The following CCDC171 variants were observed in gnomAD, a reference collection of about 807,000 sequenced individuals.
CCDC171 encodes the protein coiled-coil domain containing 171, also known as coiled-coil domain-containing protein 171.
In CCDC171, 177 loss-of-function variants were observed where a neutral mutation model predicts 168.2. The observed-to-expected ratio is 1.05, with a 90% confidence interval of 0.93 to 1.19. The LOEUF is 1.19. Among genes scored for constraint, CCDC171 ranks in the 50% most tolerant of loss-of-function variants. The pLI is 0.00. For synonymous variants in CCDC171, 687 were observed against 540.8 expected, an observed-to-expected ratio of 1.27 and a Z score of -3.75; for missense variants, 1,991 against 1,539.0, an observed-to-expected ratio of 1.29 and a Z score of -4.91.
rs937233377 is a variant in CCDC171 at position 15,949,770 on chromosome 9, C to A, written c.3754-21839C>A. Among the ~76,000 whole-genome samples, 3 of 152,224 alleles carry A rather than the reference C, an allele frequency of 2.0e-5. No individual in the cohort carries two copies. The East Asian group carries it at 5.8e-4, about 29-fold the overall frequency. On this transcript the variant is annotated intron_variant, in intron 25 of 25. Transcript: ENST00000380701. ...CTGCAAACAGGGACAATTTGACTTC[C>A]TCTTTTCCTAATTGAATACCCTTTA...
intron 24 of CCDC171, among the ~76,000 whole-genome samples, chr9:15,898,561 A>G (rs1821213593): frequency 6.6e-6 from 1 of 152,170 alleles, no homozygotes; most frequent in African/African-American, 2.4e-5. Context: ...TGCCCGCTAA[A>G]TCAGTATCAT....
intron 3 of CCDC171, among the ~76,000 whole-genome samples, chr9:16,008,916 T>C (rs1303211367): frequency 2.0e-5 from 3 of 152,188 alleles, no homozygotes. Flanking sequence ...TGAATTCCAG[T>C]GTCGGCAGAC....
intron 7 of CCDC171, among the ~76,000 whole-genome samples, chr9:15,638,226 A>G (rs1277486936): frequency 6.6e-5 from 10 of 152,278 alleles, no homozygotes; most frequent in East Asian, 1.9e-4. Context: ...TAAGTTACCT[A>G]TGATTTCTCA....
chr9:16,001,144 C>A (rs933301776), intron 3 of CCDC171, among the ~76,000 whole-genome samples: 1 of 152,168 alleles, frequency 6.6e-6, no homozygotes, highest in Admixed American at 6.5e-5. Flanking sequence ...TTTCAGGATT[C>A]AGTTGCCTAG....
intron 25 of CCDC171, among the ~76,000 whole-genome samples, chr9:15,959,634 C>G (rs566256391): frequency 1.3e-5 from 2 of 152,152 alleles, no homozygotes; most frequent in African/African-American, 4.8e-5. Flanking sequence ...TCAAACAAGT[C>G]TAGGCCTTTT....
intron 6 of CCDC171, among the ~76,000 whole-genome samples, chr9:15,594,807 A>G (rs2131528967): frequency 6.6e-6 from 1 of 152,246 alleles, no homozygotes; most frequent in African/African-American, 2.4e-5. Flanking sequence ...TTTATTTTGA[A>G]GGAGAGGTAG....
intron 23 of CCDC171, among the ~76,000 whole-genome samples, chr9:15,873,840 G>A (rs2131220695): frequency 6.6e-6 from 1 of 152,176 alleles, no homozygotes; most frequent in East Asian, 1.9e-4. Flanking sequence ...TCGGTGATGT[G>A]TTTGTATTGT....
At chr9:16,037,769 A>T (rs980928166) in intron 8 of CCDC171, among the ~76,000 whole-genome samples, 1 of 152,178 alleles carries the variant, frequency 6.6e-6, no homozygotes. Context: ...ATTTAATTCC[A>T]ATTCAGAATG....
intron 3 of CCDC171, among the ~76,000 whole-genome samples, chr9:15,992,165 G>A (rs563672967): frequency 3.3e-5 from 5 of 152,188 alleles, no homozygotes; most frequent in African/African-American, 7.2e-5. Flanking sequence ...GATGAACATC[G>A]ATGCAAAAAT....
At chr9:15,707,880 C>T (rs2052365162) in intron 11 of CCDC171, among the ~76,000 whole-genome samples, 1 of 152,168 alleles carries the variant, frequency 6.6e-6, no homozygotes, top group Admixed American at 6.5e-5. Flanking sequence ...TGGAGTCTTG[C>T]TCTGTCGCCC....
intron 3 of CCDC171, among the ~76,000 whole-genome samples, chr9:16,005,689 A>C (rs1832674862): frequency 6.6e-6 from 1 of 152,204 alleles, no homozygotes; most frequent in Non-Finnish European, 1.5e-5. Flanking sequence ...TAATCTAGAG[A>C]GGATTTAAAG....
At chr9:16,078,417 C>G in the CCDC171 span, among the ~76,000 whole-genome samples, 1 of 152,134 alleles carries the variant, frequency 6.6e-6, no homozygotes, top group Non-Finnish European at 1.5e-5. Flanking sequence ...AAGCCACTGG[C>G]TGATCTGCAT....
intron 23 of CCDC171, among the ~76,000 whole-genome samples, chr9:15,849,190 C>T (rs2061024370): frequency 6.6e-6 from 1 of 151,350 alleles, no homozygotes; most frequent in East Asian, 1.9e-4. Flanking sequence ...TGTAATTGCA[C>T]TAGGAATTAT....
intron 7 of CCDC171, among the ~76,000 whole-genome samples, chr9:15,629,703 G>A (rs1191537355): frequency 1.3e-5 from 2 of 152,108 alleles, no homozygotes; most frequent in African/African-American, 2.4e-5. Flanking sequence ...CTCAAGAAGA[G>A]CAACTCTAAG....
intron 3 of CCDC171, among the ~76,000 whole-genome samples, chr9:15,993,201 A>G (rs186009938): frequency 5.3e-5 from 8 of 151,870 alleles, no homozygotes; most frequent in Admixed American, 2.0e-4. Flanking sequence ...ACTATACTAC[A>G]TGGCTACAGT....
chr9:15,582,060 A>G (rs1330837274), intron 4 of CCDC171, among the ~76,000 whole-genome samples: 1 of 152,260 alleles, frequency 6.6e-6, no homozygotes, highest in Non-Finnish European at 1.5e-5. Context: ...TCCAGAATCT[A>G]CAAAGAACTT....
chr9:15,641,317 T>C (rs1334088029), intron 7 of CCDC171, among the ~76,000 whole-genome samples: 1 of 152,248 alleles, frequency 6.6e-6, no homozygotes, highest in Non-Finnish European at 1.5e-5. Flanking sequence ...ATGTCTATTT[T>C]GGTGGACTAA....
chr9:15,966,712 T>G (rs760995392), intron 25 of CCDC171, among the ~76,000 whole-genome samples: 27 of 152,200 alleles, frequency 1.8e-4, no homozygotes, highest in Non-Finnish European at 2.5e-4. Flanking sequence ...TAACTCACAT[T>G]TCTTCCCATG....
intron 4 of CCDC171, among the ~76,000 whole-genome samples, chr9:15,580,601 T>C (rs747115271): frequency 6.6e-6 from 1 of 152,054 alleles, no homozygotes; most frequent in Non-Finnish European, 1.5e-5. Flanking sequence ...AAAGAAGATA[T>C]ACAAATGGCC....
Sources: gnomAD v4.1 joint callset for allele counts (sites outside exome capture counted in the v4.1 genomes callset) on GRCh38, gnomAD v4.1.1 for gene constraint, MANE v1.5 for transcripts, NCBI Gene and HGNC (gene_info 2026-07-23, HGNC 2026-07-21) for gene names.